The following IVD variants were observed in gnomAD, a reference collection of about 807,000 sequenced individuals.
IVD encodes isovaleryl-CoA dehydrogenase, mitochondrial.
IVD carries 31 observed loss-of-function variants against 51.3 expected under a neutral mutation model. The ratio of observed to expected loss-of-function variants is 0.60; its 90% confidence interval spans 0.45 to 0.81. IVD has a LOEUF of 0.81. Ranked by LOEUF, IVD falls within the 40% of genes least tolerant of loss-of-function variation. The pLI, the probability that IVD is intolerant of heterozygous loss-of-function variation, is 0.00. For synonymous variants in IVD, 205 were observed against 219.4 expected (o/e 0.93, Z 0.58); for missense variants, 475 against 552.0 (o/e 0.86, Z 1.40).
At chr15:40,412,708 G>T in intron 6 of IVD, 2 of 434,026 alleles carry the variant, frequency 4.6e-6, no homozygotes, top group Non-Finnish European at 8.6e-6. Flanking sequence ...GGGAAATAAG[G>T]CCAGGGGGGT....
intron 7 of IVD, among the ~76,000 whole-genome samples, chr15:40,430,227 C>T (rs17672041): frequency 0.085 from 12,993 of 152,300 alleles, 782 homozygotes; most frequent in Non-Finnish European, 0.12. Flanking sequence ...TACTGAGAAC[C>T]TATCATGTGC....
chr15:40,425,634 C>CCT (rs1441198702), downstream of IVD, among the ~76,000 whole-genome samples: 2 of 151,986 alleles, frequency 1.3e-5, no homozygotes, highest in Non-Finnish European at 2.9e-5. Context: ...CATCTTCCTG[C>CCT]CTGGGCCTCC....
rs1340969058 is a variant in IVD, at chr15:40,405,810, T to G, written c.-18T>G. 1 of 1,608,020 alleles carries G rather than the reference T, an allele frequency of 6.2e-7. No homozygotes were observed. The highest frequency in any genetic ancestry group is 2.2e-5 in the East Asian group (1 of 44,714). On this transcript the variant is annotated 5_prime_UTR_variant, in exon 1 of 12. Transcript: ENST00000487418. ...GAGCTGGCTCAGTTTCAGCGCTGGC[T>G]CTTCGTGCATGGCAGAGATGGCGAC...
intron 7 of IVD, among the ~76,000 whole-genome samples, chr15:40,432,712 A>G (rs1331820071): frequency 1.3e-5 from 2 of 152,242 alleles, no homozygotes; most frequent in Non-Finnish European, 2.9e-5. Flanking sequence ...TTTCCCGAAG[A>G]GGGAAATGGC....
At chr15:40,430,422 T>C (rs1892907267) in intron 7 of IVD, among the ~76,000 whole-genome samples, 1 of 152,250 alleles carries the variant, frequency 6.6e-6, no homozygotes, top group Admixed American at 6.5e-5. Flanking sequence ...AGGAGCCTCC[T>C]GGCTGGGGCG....
Position 40,418,861 on chromosome 15 carries a change from G to C in IVD, c.*598G>C, listed in dbSNP as rs556745416. On this transcript the variant is annotated 3_prime_UTR_variant, in exon 12 of 12. Coordinates refer to ENST00000487418, the MANE Select transcript of IVD (RefSeq NM_002225.5). ...TAATAAACCTAGCCTAGCCAGGCGTGGTGGCTCATGCTTGTAATCCCAGCA... is the reference window on the plus strand; with the variant it reads ...TAATAAACCTAGCCTAGCCAGGCGTCGTGGCTCATGCTTGTAATCCCAGCA... 1 of 777,892 alleles carries C rather than the reference G, an allele frequency of 1.3e-6. No homozygotes were observed. The highest frequency in any genetic ancestry group is 1.7e-6 in the Non-Finnish European group (1 of 596,478). The allele number at this position is 777,892 out of a possible 1,614,324, so 48.2% of individuals were successfully genotyped here.
At position 40,407,651 on chromosome 15, in the gene IVD, G is replaced by A. The variant is rs770416935; in HGVS notation, c.160G>A (p.Ala54Thr). 5 of 1,614,148 alleles carry A rather than the reference G, an allele frequency of 3.1e-6. No individual in the cohort carries two copies. Among genetic ancestry groups the A allele is most frequent in the Non-Finnish European group, 8.5e-7 (1 of 1,179,986 alleles). Reference sequence around the variant, plus strand: ...CTCCTATTAGCTTCGTCAGACCATGGCTAAGTTCCTTCAGGAGCACCTGGC... The same window carrying A: ...CTCCTATTAGCTTCGTCAGACCATGACTAAGTTCCTTCAGGAGCACCTGGC... ...EEQRQLRQTMAKFLQEHLAPK... is the reference protein window; with the variant it reads ...EEQRQLRQTMTKFLQEHLAPK... The change falls in exon 2 of 12, where the codon GCT (alanine) becomes ACT (threonine). Residue 54 changes from alanine to threonine, a missense_variant. Coordinates refer to ENST00000487418, the MANE Select transcript of IVD (RefSeq NM_002225.5).
At chr15:40,425,260 G>A (rs140526128), downstream of IVD, among the ~76,000 whole-genome samples, 1 of 152,054 alleles carries the variant, frequency 6.6e-6, no homozygotes, top group African/African-American at 2.4e-5. Context: ...GCAGGTCAAT[G>A]AAGACAGTAT....
chr15:40,407,838 A>T, intron 2 of IVD, 101 bp from the exon 3 acceptor site: 1 of 1,450,440 alleles, frequency 6.9e-7, no homozygotes, highest in Non-Finnish European at 9.7e-7. Flanking sequence ...CTAAGAATGC[A>T]GCCCCTCTCT....
intron 7 of IVD, among the ~76,000 whole-genome samples, chr15:40,431,233 C>T (rs1892955937): frequency 6.6e-6 from 1 of 151,902 alleles, no homozygotes; most frequent in Non-Finnish European, 1.5e-5. Flanking sequence ...ATCCTCCCAC[C>T]TCTGCCTCCC....
intron 7 of IVD, among the ~76,000 whole-genome samples, chr15:40,430,194 T>C (rs1229503928): frequency 2.0e-5 from 3 of 152,228 alleles, no homozygotes; most frequent in Non-Finnish European, 2.9e-5. Flanking sequence ...TTCTCTGCCA[T>C]TCATTCATCA....
At chr15:40,415,355 T>C in intron 8 of IVD, 46 bp from the exon 9 acceptor site, 4 of 1,518,666 alleles carry the variant, frequency 2.6e-6, no homozygotes, top group Non-Finnish European at 3.7e-6. Flanking sequence ...CCACACCCGG[T>C]GGTGGGATGA....
At chr15:40,423,286 C>T (rs1892472118), downstream of IVD, among the ~76,000 whole-genome samples, 1 of 152,174 alleles carries the variant, frequency 6.6e-6, no homozygotes, top group Non-Finnish European at 1.5e-5. Context: ...AAAAATACTA[C>T]AGTTTTTAAA....
chr15:40,415,633 A>T, intron 9 of IVD, 151 bp downstream of exon 9: 1 of 738,080 alleles, frequency 1.4e-6, no homozygotes. Context: ...CTCAGCATGC[A>T]GCCTGACTCT....
downstream of IVD, among the ~76,000 whole-genome samples, chr15:40,425,407 C>T (rs1892609882): frequency 6.8e-6 from 1 of 146,424 alleles, no homozygotes; most frequent in Admixed American, 6.8e-5. Flanking sequence ...GTTTAGGTTG[C>T]CTGATTTCAA....
intron 7 of IVD, chr15:40,433,807 G>C (rs1450231470): frequency 2.2e-6 from 1 of 456,186 alleles, no homozygotes; most frequent in African/African-American, 2.0e-5. Context: ...TCACCTAGAA[G>C]AGCCCACAAA....
Position 40,420,405 on chromosome 15 carries a change from C to T in IVD, c.*2142C>T, listed in dbSNP as rs1892191620. ...TATGGCTAATTTTGTTATAACTGCACAGTGGCTGCTGCCATTTTGTATTAA... is the reference window on the plus strand; with the variant it reads ...TATGGCTAATTTTGTTATAACTGCATAGTGGCTGCTGCCATTTTGTATTAA... On this transcript the variant is annotated 3_prime_UTR_variant, in exon 12 of 12. Coordinates refer to ENST00000487418, the MANE Select transcript of IVD (RefSeq NM_002225.5). 1.0e-6 allele frequency: 1 copy of T among 987,678 alleles called. No individual in the cohort carries two copies. Among genetic ancestry groups the T allele is most frequent in the Non-Finnish European group, 1.2e-6 (1 of 830,124 alleles). 61.2% of individuals were successfully genotyped at this position (987,678 alleles called of 1,614,324 possible).
intron 7 of IVD, among the ~76,000 whole-genome samples, chr15:40,432,135 G>C (rs1048682563): frequency 6.6e-6 from 1 of 151,962 alleles, no homozygotes; most frequent in East Asian, 1.9e-4. Context: ...GTAGAGACAG[G>C]GTTTTGCCAC....
chr15:40,432,289 T>G (rs530189230), intron 7 of IVD, among the ~76,000 whole-genome samples: 15 of 152,378 alleles, frequency 9.8e-5, no homozygotes, highest in Non-Finnish European at 1.2e-4. Flanking sequence ...ACTAATCATC[T>G]GGCCCAGTCT....
Sources: allele counts gnomAD v4.1 joint callset (sites outside exome capture counted in the v4.1 genomes callset), GRCh38; gene constraint gnomAD v4.1.1; transcripts MANE v1.5; gene names NCBI Gene and HGNC (gene_info 2026-07-23, HGNC 2026-07-21).